Variants in ZMYM5 observed in about 807,000 individuals in gnomAD.
The protein encoded by ZMYM5 is zinc finger MYM-type protein 5.
A neutral mutation model predicts 61.8 loss-of-function variants in ZMYM5; 41 were observed. The observed-to-expected ratio is 0.66, with a 90% confidence interval of 0.52 to 0.86. The LOEUF (loss-of-function observed/expected upper bound fraction) is 0.86. Ranked by LOEUF, ZMYM5 falls within the 40% of genes least tolerant of loss-of-function variation. The pLI is 0.00. For missense variants in ZMYM5, 706 were observed against 786.7 expected, an observed-to-expected ratio of 0.90 and a Z score of 1.23; for synonymous variants, 257 against 276.4, an observed-to-expected ratio of 0.93 and a Z score of 0.70.
rs183839639 is a variant in ZMYM5, at chr13:19,840,803, G to A, written c.587-1818C>T. On this transcript the variant is annotated intron_variant, in intron 4 of 7. Transcript: ENST00000337963. ...GCCATTCTCCTACCTCAAGCCTCCT[G>A]AGTAGCTGGGACTACAAGCACCCGC... Among the ~76,000 whole-genome samples, 363 of 151,812 alleles carry A rather than the reference G, an allele frequency of 2.4e-3. 6 individuals are homozygous for A. The highest frequency in any genetic ancestry group is 0.018 in the Admixed American group (278 of 15,228).
At chr13:19,842,759 A>AG (rs1287108516) in intron 4 of ZMYM5, among the ~76,000 whole-genome samples, 1 of 151,284 alleles carries the variant, frequency 6.6e-6, no homozygotes, top group Admixed American at 6.6e-5. Context: ...CAGGAGTTCG[A>AG]GGCCAGCCTG....
chr13:19,830,453 C>A (rs1891144022), intron 7 of ZMYM5, among the ~76,000 whole-genome samples: 1 of 152,148 alleles, frequency 6.6e-6, no homozygotes, highest in African/African-American at 2.4e-5. Flanking sequence ...CGGCTCACTG[C>A]AACCTCTGCC....
chr13:19,855,011 T>C (rs1470475457), intron 2 of ZMYM5, among the ~76,000 whole-genome samples: 1 of 152,168 alleles, frequency 6.6e-6, no homozygotes, highest in Non-Finnish European at 1.5e-5. Context: ...GTTTCAAAGA[T>C]AAATAACAAA....
At chr13:19,826,379 T>A (rs1181770398) in intron 7 of ZMYM5, among the ~76,000 whole-genome samples, 3 of 151,546 alleles carry the variant, frequency 2.0e-5, no homozygotes, top group Non-Finnish European at 2.9e-5. Context: ...AAAATGAAAC[T>A]GGAAGTTTGT....
At chr13:19,851,557 T>C in intron 3 of ZMYM5, 109 bp from the exon 4 acceptor site, 3 of 1,544,120 alleles carry the variant, frequency 1.9e-6, no homozygotes, top group Non-Finnish European at 2.7e-6. Context: ...ATGTTTTATA[T>C]GTAATAATTA....
intron 7 of ZMYM5, among the ~76,000 whole-genome samples, chr13:19,832,249 G>A (rs1891264465): frequency 1.3e-5 from 2 of 152,064 alleles, no homozygotes. Flanking sequence ...TGGAGGATAA[G>A]CATTATGGTA....
At chr13:19,842,673 T>A (rs1356428908) in intron 4 of ZMYM5, among the ~76,000 whole-genome samples, 2 of 149,260 alleles carry the variant, frequency 1.3e-5, no homozygotes, top group Non-Finnish European at 3.0e-5. Flanking sequence ...AAAAAAAGGT[T>A]TCTTGGCTGG....
chr13:19,849,976 CA>C (rs566519438), intron 4 of ZMYM5, among the ~76,000 whole-genome samples: 2,836 of 128,020 alleles, frequency 0.022, 78 homozygotes, highest in African/African-American at 0.069. Flanking sequence ...GACTCTGTCT[CA>C]AAAAAAAAAA....
chr13:19,852,929 C>A (rs1262608568), intron 2 of ZMYM5, among the ~76,000 whole-genome samples: 2 of 152,108 alleles, frequency 1.3e-5, no homozygotes, highest in Non-Finnish European at 2.9e-5. Context: ...CTCACTGCAG[C>A]CTTAAATGCC....
chr13:19,856,672 T>A (rs1396401749), intron 2 of ZMYM5, among the ~76,000 whole-genome samples: 1 of 149,686 alleles, frequency 6.7e-6, no homozygotes, highest in Non-Finnish European at 1.5e-5. Context: ...GATTCACGCG[T>A]GGTGGCATGC....
chr13:19,843,205 C>T (rs1952943406), intron 4 of ZMYM5, among the ~76,000 whole-genome samples: 1 of 149,972 alleles, frequency 6.7e-6, no homozygotes, highest in African/African-American at 2.4e-5. Flanking sequence ...GCAACCTCCA[C>T]CTCCCAGGTT....
chr13:19,827,784 C>T (rs1003722179), intron 7 of ZMYM5, among the ~76,000 whole-genome samples: 40 of 151,224 alleles, frequency 2.6e-4, no homozygotes, highest in African/African-American at 9.0e-4. Flanking sequence ...GTAATCCCAG[C>T]ACTTTGGGAG....
At chr13:19,849,278 G>A (rs1953195399) in intron 4 of ZMYM5, among the ~76,000 whole-genome samples, 1 of 151,948 alleles carries the variant, frequency 6.6e-6, no homozygotes, top group Non-Finnish European at 1.5e-5. Context: ...ACATCATGGC[G>A]CCTGGCTAAT....
intron 5 of ZMYM5, 103 bp from the exon 6 acceptor site, chr13:19,837,924 A>G (rs1432101655): frequency 1.5e-6 from 2 of 1,297,964 alleles, no homozygotes; most frequent in African/African-American, 3.2e-5. Flanking sequence ...ATGATTTAAT[A>G]CTAGAAATCA....
intron 2 of ZMYM5, among the ~76,000 whole-genome samples, chr13:19,853,382 A>G (rs1953383950): frequency 6.6e-6 from 1 of 152,210 alleles, no homozygotes; most frequent in South Asian, 2.1e-4. Flanking sequence ...AGAAGGCAAA[A>G]GTAAGTATAA....
chr13:19,826,955 T>C (rs1015608811), intron 7 of ZMYM5, among the ~76,000 whole-genome samples: 3 of 152,156 alleles, frequency 2.0e-5, no homozygotes, highest in Middle Eastern at 3.4e-3. Flanking sequence ...TGGGAAAAAA[T>C]TGAAAATAGT....
At chr13:19,856,734 C>T (rs577940596) in intron 2 of ZMYM5, among the ~76,000 whole-genome samples, 4 of 152,230 alleles carry the variant, frequency 2.6e-5, no homozygotes, top group South Asian at 2.1e-4. Flanking sequence ...CGCTTGAACC[C>T]GGGAGGTAGA....
chr13:19,850,478 G>C (rs931872520), intron 4 of ZMYM5, among the ~76,000 whole-genome samples: 6 of 152,028 alleles, frequency 3.9e-5, no homozygotes, highest in Admixed American at 6.6e-5. Flanking sequence ...GGGCGTGCTT[G>C]TAATCCCAGC....
intron 6 of ZMYM5, among the ~76,000 whole-genome samples, chr13:19,836,509 A>G (rs1479091794): frequency 6.6e-6 from 1 of 152,128 alleles, no homozygotes; most frequent in Admixed American, 6.5e-5. Context: ...CAGTGGTACA[A>G]TCATAGCTCA....
Sources: gnomAD v4.1 joint callset for allele counts (sites outside exome capture counted in the v4.1 genomes callset) on GRCh38, gnomAD v4.1.1 for gene constraint, MANE v1.5 for transcripts, NCBI Gene and HGNC (gene_info 2026-07-23, HGNC 2026-07-21) for gene names.